ODAD2: variants seen among roughly 807,000 people sequenced by gnomAD.
ODAD2 encodes the protein outer dynein arm-docking complex subunit 2.
A neutral mutation model predicts 106.8 loss-of-function variants in ODAD2; 89 were observed. That is an observed-to-expected ratio of 0.83 (90% CI 0.70 to 0.99). The LOEUF is 0.99. Ranked by LOEUF, ODAD2 falls within the 50% of genes least tolerant of loss-of-function variation. The pLI is 0.00. For synonymous variants in ODAD2, 404 were observed against 436.2 expected (o/e 0.93, Z 0.92); for missense variants, 1,168 against 1,238.5 (o/e 0.94, Z 0.85).
At chr10:27,935,352 A>G in intron 15 of ODAD2, 100 bp from the exon 16 acceptor site, 1 of 1,405,238 alleles carries the variant, frequency 7.1e-7, no homozygotes, top group Non-Finnish European at 9.7e-7. Context: ...AATGATACAG[A>G]TATTATTAAA....
At chr10:27,965,108 A>ATGATGATGG (rs998368640) in intron 9 of ODAD2, among the ~76,000 whole-genome samples, 2 of 152,152 alleles carry the variant, frequency 1.3e-5, no homozygotes, top group East Asian at 3.9e-4. Flanking sequence ...GTTTTTCAAG[A>ATGATGATGG]TGATGATGGG....
At chr10:27,871,284 A>T (rs527950504) in intron 17 of ODAD2, among the ~76,000 whole-genome samples, 2 of 152,234 alleles carry the variant, frequency 1.3e-5, no homozygotes, top group East Asian at 3.9e-4. Context: ...GATTGCAAAA[A>T]TTGTCTCCCA....
rs767324976 is a variant in ODAD2, at chr10:27,862,435, G to A, written c.2798C>T (p.Thr933Ile). 1.9e-6 allele frequency: 3 copies of A among 1,604,772 alleles called. No homozygotes were observed. Among genetic ancestry groups the A allele is most frequent in the East Asian group, 2.3e-5 (1 of 44,412 alleles). The change falls in exon 18 of 20, where the codon ACA (threonine) becomes ATA (isoleucine). Residue 933 changes from threonine to isoleucine, a missense_variant and splice_region_variant. Thr to Ile is a moderately conservative substitution (Grantham distance 89). Transcript: ENST00000305242. ...VVPLLSKLANTNNNKLRHHLA... is the reference protein window; with the variant it reads ...VVPLLSKLANINNNKLRHHLA... ...AAAACAAAAAGATGTGTTACTTACT[G>A]TATTTGCCAGTTTGGACAATAAAGG...
At chr10:27,942,216 G>A (rs1033174881) in intron 12 of ODAD2, among the ~76,000 whole-genome samples, 1 of 152,164 alleles carries the variant, frequency 6.6e-6, no homozygotes, top group African/African-American at 2.4e-5. Flanking sequence ...TTTATTCCTT[G>A]ATTTAACCCA....
chr10:27,950,707 C>T (rs1429363265), intron 10 of ODAD2, among the ~76,000 whole-genome samples: 1 of 152,214 alleles, frequency 6.6e-6, no homozygotes, highest in South Asian at 2.1e-4. Context: ...CTGCCTCAGC[C>T]TCCCAAGTAG....
At chr10:27,859,536 G>A (rs1350089732) in intron 19 of ODAD2, among the ~76,000 whole-genome samples, 1 of 151,926 alleles carries the variant, frequency 6.6e-6, no homozygotes, top group African/African-American at 2.4e-5. Context: ...GACTAACTGG[G>A]GTTTTTAACT....
At chr10:27,855,711 A>C (rs1156919631) in intron 19 of ODAD2, among the ~76,000 whole-genome samples, 1 of 152,190 alleles carries the variant, frequency 6.6e-6, no homozygotes, top group Non-Finnish European at 1.5e-5. Context: ...GGCTCTCTGG[A>C]ACGCCAGTAC....
At chr10:27,867,381 A>T (rs1323241354) in intron 17 of ODAD2, among the ~76,000 whole-genome samples, 1 of 152,180 alleles carries the variant, frequency 6.6e-6, no homozygotes, top group Non-Finnish European at 1.5e-5. Context: ...GAGTTCCATG[A>T]ATTGGTAAAA....
At chr10:27,986,514 G>A (rs757193603) in intron 3 of ODAD2, among the ~76,000 whole-genome samples, 2 of 151,948 alleles carry the variant, frequency 1.3e-5, no homozygotes, top group African/African-American at 2.4e-5. Context: ...TGATACCCTC[G>A]CCTAATAAGG....
chr10:27,869,123 T>C (rs1840667876), intron 17 of ODAD2, among the ~76,000 whole-genome samples: 1 of 151,946 alleles, frequency 6.6e-6, no homozygotes, highest in Non-Finnish European at 1.5e-5. Context: ...GAATTAGATA[T>C]AAAATAAAAA....
intron 17 of ODAD2, among the ~76,000 whole-genome samples, chr10:27,906,602 T>C (rs984628802): frequency 6.6e-6 from 1 of 152,160 alleles, no homozygotes; most frequent in Non-Finnish European, 1.5e-5. Context: ...AGCAAAGACT[T>C]GGAACCAACC....
chr10:27,847,857 C>G (rs1838899807), intron 19 of ODAD2, among the ~76,000 whole-genome samples: 1 of 152,128 alleles, frequency 6.6e-6, no homozygotes, highest in African/African-American at 2.4e-5. Flanking sequence ...AGGGATCCAA[C>G]TTACAAGGGA....
chr10:27,911,019 T>C (rs1373091966), intron 16 of ODAD2, among the ~76,000 whole-genome samples: 1 of 152,166 alleles, frequency 6.6e-6, no homozygotes, highest in Non-Finnish European at 1.5e-5. Flanking sequence ...ATATTGGACT[T>C]ATGGCCAGTA....
chr10:27,831,933 G>A (rs1837510070), intron 19 of ODAD2, among the ~76,000 whole-genome samples: 1 of 152,182 alleles, frequency 6.6e-6, no homozygotes, highest in African/African-American at 2.4e-5. Context: ...CCTACCTGAG[G>A]GTCACCCTTC....
intron 9 of ODAD2, among the ~76,000 whole-genome samples, chr10:27,964,552 G>C (rs1848368156): frequency 6.6e-6 from 1 of 152,168 alleles, no homozygotes; most frequent in Non-Finnish European, 1.5e-5. Flanking sequence ...CTGTCTTTCG[G>C]TATCTTTGTT....
intron 19 of ODAD2, among the ~76,000 whole-genome samples, chr10:27,828,377 GTCAGAA>G: frequency 6.6e-6 from 1 of 152,154 alleles, no homozygotes; most frequent in Admixed American, 6.5e-5. Flanking sequence ...AATAGTCAGT[GTCAGAA>G]CTTCCAGCTT....
chr10:27,849,024 C>A (rs891591061), intron 19 of ODAD2, among the ~76,000 whole-genome samples: 3 of 152,240 alleles, frequency 2.0e-5, no homozygotes, highest in African/African-American at 7.2e-5. Flanking sequence ...ACTAGAAATA[C>A]CATTTGACCC....
chr10:27,954,297 C>G (rs1235110651), intron 10 of ODAD2, among the ~76,000 whole-genome samples: 1 of 152,130 alleles, frequency 6.6e-6, no homozygotes, highest in Non-Finnish European at 1.5e-5. Flanking sequence ...AGGGGAAAAG[C>G]ATATTTTAAG....
chr10:27,895,989 C>A (rs968791473), intron 17 of ODAD2, among the ~76,000 whole-genome samples: 4 of 152,126 alleles, frequency 2.6e-5, no homozygotes, highest in Non-Finnish European at 5.9e-5. Flanking sequence ...GCAAATCAGG[C>A]CACTTTCTTA....
Sources: gnomAD v4.1 joint callset for allele counts (sites outside exome capture counted in the v4.1 genomes callset) on GRCh38, gnomAD v4.1.1 for gene constraint, MANE v1.5 for transcripts, NCBI Gene and HGNC (gene_info 2026-07-23, HGNC 2026-07-21) for gene names.